ATAD1: variants seen among roughly 807,000 people sequenced by gnomAD.
ATAD1 encodes ATPase family AAA domain containing 1, also known as outer mitochondrial transmembrane helix translocase.
A neutral mutation model predicts 42.7 loss-of-function variants in ATAD1; 18 were observed. That is an observed-to-expected ratio of 0.42 (90% CI 0.29 to 0.63). ATAD1 has a LOEUF of 0.63. ATAD1 is among the 20% of genes least tolerant of loss of function. The probability of loss-of-function intolerance (pLI) is 0.19; values close to 1 mark genes in which losing one functional copy is unlikely to be tolerated. For synonymous variants in ATAD1, 132 were observed against 143.1 expected, an observed-to-expected ratio of 0.92 and a Z score of 0.55; for missense variants, 294 against 440.4, an observed-to-expected ratio of 0.67 and a Z score of 2.98.
In ATAD1 at chr10:87,814,614, T is replaced by C; in HGVS notation, c.-13-2A>G. On this transcript the variant is annotated splice_acceptor_variant, in intron 1 of 9. Transcript: ENST00000680024. LOFTEE classifies it low-confidence loss of function (5UTR_SPLICE). ...GCATGTACCATCTTGAATGTTAACC[T>C]TAAAAAAACAAACAGAAATGTCACT... 1 of 1,580,428 alleles carries C rather than the reference T, an allele frequency of 6.3e-7. No individual in the cohort carries two copies. The highest frequency in any genetic ancestry group is 8.6e-7 in the Non-Finnish European group (1 of 1,165,506).
intron 5 of ATAD1, 131 bp from the exon 6 acceptor site, chr10:87,776,558 TC>T: frequency 1.6e-6 from 1 of 632,186 alleles, no homozygotes; most frequent in Non-Finnish European, 2.8e-6. Flanking sequence ...AACCTCGAAC[TC>T]CCAGGCTTAA....
rs1424530531 is a variant in ATAD1 at position 87,784,345 on chromosome 10, TTA to T, written c.583+123_583+124del. 17 of 828,636 alleles carry T rather than the reference TTA, an allele frequency of 2.1e-5. No homozygotes were observed. In the East Asian group the frequency reaches 4.8e-4, roughly 23 times the overall value. 51.3% of individuals were successfully genotyped at this position (828,636 alleles called of 1,614,324 possible). The stretch of plus-strand genomic sequence containing the variant: ...CAACACAGAAATTATACATAGCATA[TTA>T]TGATGTTGGTTATGTTCTTTGTTTT... On this transcript the variant is annotated intron_variant, in intron 5 of 9. Coordinates refer to ENST00000680024, the MANE Select transcript of ATAD1 (RefSeq NM_001321967.2).
In ATAD1 at chr10:87,753,534, A is replaced by T. The variant is rs1854099309; in HGVS notation, c.*1153T>A. ...ATTCTGGTTAGTAAAATTTTGAAAA[A>T]AATTCACATATAATTCACATTAAAC... On this transcript the variant is annotated 3_prime_UTR_variant, in exon 10 of 10. Coordinates refer to ENST00000680024, the MANE Select transcript of ATAD1 (RefSeq NM_001321967.2). The T allele has an allele frequency of 1.3e-5, 2 of 152,420 alleles. No homozygotes were observed. The highest frequency in any genetic ancestry group is 6.6e-5 in the Admixed American group (1 of 15,266). The allele number at this position is 152,420 out of a possible 1,614,324, so 9.4% of individuals were successfully genotyped here.
intron 8 of ATAD1, among the ~76,000 whole-genome samples, chr10:87,758,152 A>C (rs1274275389): frequency 2.0e-5 from 3 of 152,238 alleles, no homozygotes; most frequent in African/African-American, 7.2e-5. Context: ...CAATAAGGAC[A>C]TGTAAGACAG....
Position 87,753,743 on chromosome 10 carries a change from C to T in ATAD1, c.*944G>A, listed in dbSNP as rs1212557061. The T allele has an allele frequency of 2.0e-5, 3 of 151,182 alleles. No homozygotes were observed. Among genetic ancestry groups the T allele is most frequent in the Admixed American group, 2.0e-4 (3 of 15,200 alleles). 9.4% of individuals were successfully genotyped at this position (151,182 alleles called of 1,614,324 possible). On this transcript the variant is annotated 3_prime_UTR_variant, in exon 10 of 10. Coordinates refer to ENST00000680024, the MANE Select transcript of ATAD1 (RefSeq NM_001321967.2). ...TTTTGGTGACCAAATTATATTTGAC[C>T]ATAATTAAAGAACACATAACCTTAA...
chr10:87,761,437 G>C (rs1854479752), intron 8 of ATAD1, among the ~76,000 whole-genome samples: 1 of 152,076 alleles, frequency 6.6e-6, no homozygotes, highest in Non-Finnish European at 1.5e-5. Context: ...TGAGATGGGT[G>C]GATCTCTTGA....
chr10:87,771,580 G>A (rs1412241696), intron 6 of ATAD1, among the ~76,000 whole-genome samples: 1 of 152,008 alleles, frequency 6.6e-6, no homozygotes, highest in East Asian at 1.9e-4. Flanking sequence ...GGTACTATCA[G>A]CACTGCAGGT....
intron 1 of ATAD1, among the ~76,000 whole-genome samples, chr10:87,831,148 T>G (rs986326467): frequency 6.6e-6 from 1 of 152,220 alleles, no homozygotes; most frequent in Non-Finnish European, 1.5e-5. Flanking sequence ...GGATTGGAGA[T>G]AAGCTACGTA....
intron 6 of ATAD1, among the ~76,000 whole-genome samples, chr10:87,775,083 AT>A (rs1855228816): frequency 6.6e-6 from 1 of 152,196 alleles, no homozygotes; most frequent in Non-Finnish European, 1.5e-5. Context: ...AATTCTAAAT[AT>A]AATACTTTTT....
chr10:87,817,879 T>A, intron 1 of ATAD1: 2 of 985,542 alleles, frequency 2.0e-6, no homozygotes, highest in Non-Finnish European at 2.4e-6. Flanking sequence ...GTGACCAGGA[T>A]GCCGACAAAG....
intron 5 of ATAD1, among the ~76,000 whole-genome samples, chr10:87,784,008 C>A (rs942608738): frequency 4.0e-5 from 6 of 151,472 alleles, no homozygotes; most frequent in African/African-American, 1.5e-4. Flanking sequence ...ACAAATAACT[C>A]CAAAGAAATA....
At chr10:87,819,985 T>TAA (rs138112735), upstream of ATAD1, among the ~76,000 whole-genome samples, 17 of 149,882 alleles carry the variant, frequency 1.1e-4, no homozygotes, top group Admixed American at 4.6e-4. Flanking sequence ...ATTCCTAATT[T>TAA]AAAAAAAAAA....
At chr10:87,810,375 C>T (rs1325250050) in intron 2 of ATAD1, among the ~76,000 whole-genome samples, 2 of 151,918 alleles carry the variant, frequency 1.3e-5, no homozygotes, top group Admixed American at 1.3e-4. Context: ...ATATACTATA[C>T]ATGTCCATTT....
intron 6 of ATAD1, among the ~76,000 whole-genome samples, chr10:87,774,227 C>G (rs571488631): frequency 6.6e-6 from 1 of 152,318 alleles, no homozygotes; most frequent in East Asian, 1.9e-4. Flanking sequence ...AATTAATCTA[C>G]AATTTTGCAA....
intron 9 of ATAD1, among the ~76,000 whole-genome samples, chr10:87,755,991 G>C (rs1478103365): frequency 6.6e-6 from 1 of 152,204 alleles, no homozygotes; most frequent in Non-Finnish European, 1.5e-5. Context: ...GCTACCAGTT[G>C]ACAGAGTAGC....
rs543985995 is a variant in ATAD1 at position 87,753,763 on chromosome 10, C to G, written c.*924G>C. On this transcript the variant is annotated 3_prime_UTR_variant, in exon 10 of 10. Coordinates refer to ENST00000680024, the MANE Select transcript of ATAD1 (RefSeq NM_001321967.2). Reference sequence around the variant, plus strand: ...TTGACCATAATTAAAGAACACATAACCTTAAAATAATATTTAAGAAACATA... The same window carrying G: ...TTGACCATAATTAAAGAACACATAAGCTTAAAATAATATTTAAGAAACATA... 1 of 152,550 alleles carries G rather than the reference C, an allele frequency of 6.6e-6. No homozygotes were observed. The highest frequency in any genetic ancestry group is 2.1e-4 in the South Asian group (1 of 4,818). 9.4% of individuals were successfully genotyped at this position (152,550 alleles called of 1,614,324 possible).
chr10:87,824,368 T>C (rs938448309), intron 1 of ATAD1, among the ~76,000 whole-genome samples: 1 of 152,196 alleles, frequency 6.6e-6, no homozygotes, highest in African/African-American at 2.4e-5. Context: ...TTGGTATCTA[T>C]AGGGTATAAG....
intron 1 of ATAD1, chr10:87,832,068 T>A (rs1168809939): frequency 1.4e-5 from 2 of 145,620 alleles, no homozygotes; most frequent in Admixed American, 7.5e-5. Flanking sequence ...ACATAGATTG[T>A]TATGGCTTTT....
intron 5 of ATAD1, among the ~76,000 whole-genome samples, chr10:87,776,940 G>T (rs1056594491): frequency 1.3e-5 from 2 of 151,688 alleles, no homozygotes; most frequent in African/African-American, 4.8e-5. Flanking sequence ...TGTCAATTAA[G>T]AAAAATGAAA....
Sources: gnomAD v4.1 joint callset for allele counts (sites outside exome capture counted in the v4.1 genomes callset) on GRCh38, gnomAD v4.1.1 for gene constraint, MANE v1.5 for transcripts, NCBI Gene and HGNC (gene_info 2026-07-23, HGNC 2026-07-21) for gene names.